Variants in ANKRD44 observed in about 807,000 individuals in gnomAD.
The protein encoded by ANKRD44 is ankyrin repeat domain 44.
ANKRD44 carries 35 observed loss-of-function variants against 116.0 expected under a neutral mutation model. The ratio of observed to expected loss-of-function variants is 0.30; its 90% CI spans 0.23 to 0.40. The LOEUF is 0.40. Ranked by LOEUF, ANKRD44 falls within the 10% of genes least tolerant of loss-of-function variation. The probability of loss-of-function intolerance (pLI) is 1.00; values close to 1 mark genes in which losing one functional copy is unlikely to be tolerated. For synonymous variants in ANKRD44, 435 were observed against 461.8 expected, an observed-to-expected ratio of 0.94 and a Z score of 0.74; for missense variants, 1,014 against 1,242.6, an observed-to-expected ratio of 0.82 and a Z score of 2.77.
chr2:197,275,568 G>C (rs1252622622), intron 1 of ANKRD44, among the ~76,000 whole-genome samples: 2 of 152,006 alleles, frequency 1.3e-5, no homozygotes, highest in South Asian at 2.1e-4. Context: ...GCACCATGTT[G>C]GGGGGGTGGG....
intron 1 of ANKRD44, among the ~76,000 whole-genome samples, chr2:197,209,674 A>G (rs2081284249): frequency 6.6e-6 from 1 of 152,236 alleles, no homozygotes; most frequent in Admixed American, 6.5e-5. Context: ...TTTCATCAAG[A>G]ATTAAACATT....
intron 16 of ANKRD44, chr2:197,029,535 G>A: frequency 2.1e-6 from 1 of 481,528 alleles, no homozygotes; most frequent in South Asian, 1.5e-5. Context: ...AGCACTTTCA[G>A]TCCAATGCAG....
intron 1 of ANKRD44, among the ~76,000 whole-genome samples, chr2:197,193,500 C>T (rs1308825745): frequency 1.3e-5 from 2 of 152,134 alleles, no homozygotes; most frequent in African/African-American, 2.4e-5. Context: ...ATCAGACTGA[C>T]CAATTATTAA....
intron 16 of ANKRD44, among the ~76,000 whole-genome samples, chr2:197,032,233 T>G (rs2076720790): frequency 6.6e-6 from 1 of 152,034 alleles, no homozygotes; most frequent in Non-Finnish European, 1.5e-5. Context: ...GTGTGGAAAA[T>G]GAACTACAAT....
At chr2:197,138,070 G>T (rs1350879428) in intron 3 of ANKRD44, among the ~76,000 whole-genome samples, 5 of 152,160 alleles carry the variant, frequency 3.3e-5, no homozygotes, top group African/African-American at 1.2e-4. Context: ...CTGGCCCAAT[G>T]ACCAAGAGCC....
chr2:196,983,851 T>A (rs917424877), downstream of ANKRD44, among the ~76,000 whole-genome samples: 1 of 151,890 alleles, frequency 6.6e-6, no homozygotes, highest in East Asian at 1.9e-4. Context: ...TGAGCAGGAG[T>A]TCCCCCCACT....
chr2:196,967,505 T>C (rs1472087363), intron 21 of ANKRD44: 1 of 435,744 alleles, frequency 2.3e-6, no homozygotes, highest in Non-Finnish European at 4.9e-6. Context: ...TGTTAATTGT[T>C]GCATTTTTCG....
chr2:196,967,136 T>A, exon 22 of ANKRD44: 1 of 177,858 alleles, frequency 5.6e-6, no homozygotes, highest in Non-Finnish European at 1.2e-5. Flanking sequence ...CCTGAAAGAA[T>A]TTCAAAGTGC....
chr2:197,044,274 C>T (rs948009424), intron 16 of ANKRD44, among the ~76,000 whole-genome samples: 1 of 152,172 alleles, frequency 6.6e-6, no homozygotes, highest in Non-Finnish European at 1.5e-5. Context: ...TACATCAGCT[C>T]CTGCAGTTTC....
intron 8 of ANKRD44, among the ~76,000 whole-genome samples, chr2:197,111,111 A>G (rs1464475764): frequency 6.6e-6 from 1 of 152,212 alleles, no homozygotes; most frequent in African/African-American, 2.4e-5. Context: ...TTGAAAGGAA[A>G]AGATAAAATG....
intron 1 of ANKRD44, among the ~76,000 whole-genome samples, chr2:197,257,434 T>G (rs1054902386): frequency 1.3e-5 from 2 of 152,120 alleles, no homozygotes; most frequent in African/African-American, 4.8e-5. Flanking sequence ...TTTTTAGTGA[T>G]TATTATAAAA....
intron 1 of ANKRD44, among the ~76,000 whole-genome samples, chr2:197,305,490 C>T (rs1559236904): frequency 6.6e-6 from 1 of 152,104 alleles, no homozygotes; most frequent in Non-Finnish European, 1.5e-5. Flanking sequence ...TGTAGAAATA[C>T]AAATCTTTTT....
chr2:197,240,311 GTTGCAGTGAGCCAAGA>G (rs1253899936), intron 1 of ANKRD44, among the ~76,000 whole-genome samples: 1 of 148,362 alleles, frequency 6.7e-6, no homozygotes, highest in African/African-American at 2.5e-5. Flanking sequence ...GGAGGCAGAG[GTTGCAGTGAGCCAAGA>G]TCGCACCACT....
intron 1 of ANKRD44, among the ~76,000 whole-genome samples, chr2:197,288,307 C>T (rs777435172): frequency 7.2e-5 from 11 of 151,968 alleles, no homozygotes; most frequent in African/African-American, 1.9e-4. Context: ...ACTTCATGGG[C>T]GGTATATAAA....
chr2:197,059,884 T>C (rs1430681702), intron 16 of ANKRD44, among the ~76,000 whole-genome samples: 1 of 152,214 alleles, frequency 6.6e-6, no homozygotes, highest in Non-Finnish European at 1.5e-5. Flanking sequence ...TCAAACCAAG[T>C]CCAGACATTT....
chr2:197,129,113 C>T (rs2125356264), intron 4 of ANKRD44, among the ~76,000 whole-genome samples: 1 of 151,900 alleles, frequency 6.6e-6, no homozygotes, highest in South Asian at 2.1e-4. Flanking sequence ...AATCATGCTC[C>T]TTCAAAGCCT....
chr2:197,188,033 C>A (rs190139493), intron 1 of ANKRD44, among the ~76,000 whole-genome samples: 1 of 152,278 alleles, frequency 6.6e-6, no homozygotes, highest in East Asian at 1.9e-4. Flanking sequence ...TTTGGAAAAC[C>A]CTTGAAATCA....
intron 4 of ANKRD44, among the ~76,000 whole-genome samples, chr2:197,133,603 A>T (rs2697263): frequency 0.92 from 139,588 of 152,274 alleles, 64,427 homozygotes; most frequent in East Asian, 0.98. Flanking sequence ...AAACACATGA[A>T]CATGTAATAT....
At chr2:197,157,697 A>AC (rs1574572539) in intron 2 of ANKRD44, among the ~76,000 whole-genome samples, 2 of 150,272 alleles carry the variant, frequency 1.3e-5, no homozygotes, top group East Asian at 3.9e-4. Context: ...AAAAAAAAAA[A>AC]GGTACAACCA....
Sources: allele counts gnomAD v4.1 joint callset (sites outside exome capture counted in the v4.1 genomes callset), GRCh38; gene constraint gnomAD v4.1.1; transcripts MANE v1.5; gene names NCBI Gene and HGNC (gene_info 2026-07-23, HGNC 2026-07-21).